Variants in PLD4 observed in about 807,000 individuals in gnomAD.
The protein encoded by PLD4 is 5'-3' exonuclease PLD4.
A neutral mutation model predicts 52.3 loss-of-function variants in PLD4; 54 were observed. The ratio of observed to expected loss-of-function variants is 1.03; its 90% CI spans 0.83 to 1.30. PLD4 has a LOEUF of 1.30. Ranked by LOEUF, PLD4 falls within the 50% of genes most tolerant of loss-of-function variation. The pLI, the probability that PLD4 is intolerant of heterozygous loss-of-function variation, is 0.00. For missense variants in PLD4, 731 were observed against 671.1 expected (o/e 1.09, Z -0.99); for synonymous variants, 264 against 286.5 (o/e 0.92, Z 0.79).
chr14:104,931,753 G>A lies in PLD4; in HGVS notation c.924G>A (p.Ser308=), dbSNP rs373945061. The A allele has an allele frequency of 1.4e-5, 22 of 1,586,178 alleles. No homozygotes were observed. The African/African-American group carries it at 2.0e-4, about 15-fold the overall frequency. ...GGATTTCTCTCCCGTCACAGGCGTC[G>A]CCACCAGCACTCTGTCCCCAGGGCC... The part of the protein sequence containing the change: ...GVPTTAYFSA[S]PPALCPQGRT... Residue 308 remains serine, a synonymous_variant, in exon 8 of 11, where the codon TCG becomes TCA. Coordinates refer to ENST00000392593, the MANE Select transcript of PLD4 (RefSeq NM_138790.5).
intron 1 of PLD4, among the ~76,000 whole-genome samples, chr14:104,925,971 T>C (rs1218367755): frequency 6.6e-6 from 1 of 152,012 alleles, no homozygotes; most frequent in Non-Finnish European, 1.5e-5. Context: ...CCGACTCCTG[T>C]GGTGTTCCTG....
At chr14:104,930,496 A>T in intron 6 of PLD4, 1 of 587,796 alleles carries the variant, frequency 1.7e-6, no homozygotes. Context: ...TGCATTTTCT[A>T]TTGTTTTTGT....
Position 104,933,060 on chromosome 14 carries a change from G to A in PLD4, c.*96G>A, listed in dbSNP as rs1897714383. The A allele has an allele frequency of 7.4e-7, 1 of 1,356,972 alleles. No homozygotes were observed. The highest frequency in any genetic ancestry group is 2.8e-5 in the East Asian group (1 of 36,340). The allele number at this position is 1,356,972 out of a possible 1,614,324, so 84.1% of individuals were successfully genotyped here. ...AGCCGCTTCCTCCCGCAAGCAGCCC[G>A]GGTCCGCACTGCGCCAGGAGCCGCC... On this transcript the variant is annotated 3_prime_UTR_variant, in exon 11 of 11. Coordinates refer to ENST00000392593, the MANE Select transcript of PLD4 (RefSeq NM_138790.5).
chr14:104,930,488 C>T (rs1897605308), intron 6 of PLD4: 1 of 584,120 alleles, frequency 1.7e-6, no homozygotes, highest in Non-Finnish European at 3.0e-6. Context: ...TGGCTTGATG[C>T]ATTTTCTATT....
At chr14:104,929,239 G>A (rs1566888729) in intron 4 of PLD4, 68 bp from the exon 5 acceptor site, 4 of 1,558,322 alleles carry the variant, frequency 2.6e-6, no homozygotes, top group Non-Finnish European at 3.5e-6. Flanking sequence ...GGAGGACATG[G>A]GTCCTAGTGG....
chr14:104,927,721 C>CTT lies in PLD4; in HGVS notation c.140_141dup (p.Ile48LeufsTer191). ...TGTGCTGTGGCTGGGCTCCGTGGCTCTTATCTGCCTCCTGTGGCAAGTGCC... is the reference window on the plus strand; with the variant it reads ...TGTGCTGTGGCTGGGCTCCGTGGCTCTTTTATCTGCCTCCTGTGGCAAGTGCC... On this transcript the variant is annotated frameshift_variant, in exon 3 of 11. Coordinates refer to ENST00000392593, the MANE Select transcript of PLD4 (RefSeq NM_138790.5). LOFTEE classifies it high-confidence loss of function. 6.3e-7 allele frequency: 1 copy of CTT among 1,598,086 alleles called. No homozygotes were observed. The highest frequency in any genetic ancestry group is 1.1e-5 in the South Asian group (1 of 89,186).
chr14:104,925,689 G>A (rs1595375716), intron 1 of PLD4, among the ~76,000 whole-genome samples: 1 of 152,224 alleles, frequency 6.6e-6, no homozygotes, highest in Non-Finnish European at 1.5e-5. Flanking sequence ...AGTTAGTGGG[G>A]GAGAGCAAAG....
chr14:104,935,395 C>T (rs1282149862), downstream of PLD4: 4 of 152,292 alleles, frequency 2.6e-5, no homozygotes, highest in African/African-American at 9.6e-5. Context: ...TGACAGAGGC[C>T]TGCTTCAAGG....
At position 104,932,257 on chromosome 14, in the gene PLD4, A is replaced by G. The variant is rs755811970; in HGVS notation, c.1225-2A>G. 15 of 1,612,650 alleles carry G rather than the reference A, an allele frequency of 9.3e-6. No individual in the cohort carries two copies. The Admixed American group carries it at 2.0e-4, about 21-fold the overall frequency. ...CTGACGCGCTGCCTCTGCTCCCCTA[A>G]GAAAGTCTTCATCGTGCCGGTGGGG... On this transcript the variant is annotated splice_acceptor_variant, in intron 9 of 10. Transcript: ENST00000392593. LOFTEE classifies it high-confidence loss of function. This position sits in a 1 kb window ranked among gnomAD's most constrained non-coding sequence, Gnocchi z 6.5.
chr14:104,925,692 G>C (rs1005705655), intron 1 of PLD4, among the ~76,000 whole-genome samples: 1 of 152,108 alleles, frequency 6.6e-6, no homozygotes, highest in African/African-American at 2.4e-5. Flanking sequence ...TAGTGGGGGA[G>C]AGCAAAGGCC....
chr14:104,933,624 G>C (rs1897733817), downstream of PLD4: 1 of 125,710 alleles, frequency 8.0e-6, no homozygotes, highest in Non-Finnish European at 1.7e-5. Context: ...GGAGGGGAGC[G>C]GGGCTGAGGG....
intron 5 of PLD4, 76 bp downstream of exon 5, chr14:104,929,503 G>A (rs917936177): frequency 6.8e-7 from 1 of 1,470,662 alleles, no homozygotes; most frequent in Non-Finnish European, 9.0e-7. Context: ...CACAGGACAA[G>A]GAAAAGAAGT....
Position 104,929,967 on chromosome 14 carries a change from C to T in PLD4, c.590-11C>T, listed in dbSNP as rs544306019. ...GACCTAGTTCATCCCATTGCCTGAACTCTCCACCAGGTGCCCATGTACGAC... is the reference window on the plus strand; with the variant it reads ...GACCTAGTTCATCCCATTGCCTGAATTCTCCACCAGGTGCCCATGTACGAC... On this transcript the variant is annotated splice_polypyrimidine_tract_variant and intron_variant, in intron 5 of 10. Transcript: ENST00000392593. 4.3e-6 allele frequency: 7 copies of T among 1,613,178 alleles called. No homozygotes were observed. Among genetic ancestry groups the T allele is most frequent in the East Asian group, 4.5e-5 (2 of 44,890 alleles).
Position 104,927,831 on chromosome 14 carries a change from G to A in PLD4, c.249G>A (p.Leu83=). 6.3e-7 allele frequency: 1 copy of A among 1,588,024 alleles called. No homozygotes were observed. Among genetic ancestry groups the A allele is most frequent in the Non-Finnish European group, 8.5e-7 (1 of 1,171,102 alleles). ...EHGSSPAWEP[L]EAEARQQRDS... is the part of the protein sequence containing the mutation. ...GCTCCAGCCCAGCTTGGGAGCCCCT[G>A]GAAGCAGAGGCCAGGCAGCAGAGGG... The change falls in exon 3 of 11, where the codon CTG becomes CTA. Residue 83 remains leucine, a synonymous_variant. Coordinates refer to ENST00000392593, the MANE Select transcript of PLD4 (RefSeq NM_138790.5).
At chr14:104,928,320 T>A (rs1018130344) in intron 3 of PLD4, among the ~76,000 whole-genome samples, 1 of 151,992 alleles carries the variant, frequency 6.6e-6, no homozygotes, top group Non-Finnish European at 1.5e-5. Context: ...ACCTTTCCCT[T>A]CCAGGCCAGC....
rs1414506786 is a variant in PLD4, at chr14:104,932,267, C to A, written c.1233C>A (p.Phe411Leu). The change falls in exon 10 of 11, where the codon TTC (phenylalanine) becomes TTA (leucine). Residue 411 changes from phenylalanine (F) to leucine (L), a missense_variant. By Grantham distance (22) the Phe-to-Leu change is conservative (BLOSUM62 0). Coordinates refer to ENST00000392593, the MANE Select transcript of PLD4 (RefSeq NM_138790.5). The surrounding 1 kb of genome is among the most constrained non-coding windows in gnomAD (Gnocchi z 6.5). ...GCCTCTGCTCCCCTAAGAAAGTCTTCATCGTGCCGGTGGGGAACCATTCCA... is the reference window on the plus strand; with the variant it reads ...GCCTCTGCTCCCCTAAGAAAGTCTTAATCGTGCCGGTGGGGAACCATTCCA... ...AANVSVDVKV[F>L]IVPVGNHSNI... 22 of 1,612,572 alleles carry A rather than the reference C, an allele frequency of 1.4e-5. No individual in the cohort carries two copies. Among genetic ancestry groups the A allele is most frequent in the Non-Finnish European group, 1.9e-5 (22 of 1,179,838 alleles).
At chr14:104,930,173 T>G (rs1471773717) in intron 6 of PLD4, 68 bp downstream of exon 6, 2 of 1,590,022 alleles carry the variant, frequency 1.3e-6, no homozygotes, top group Non-Finnish European at 1.7e-6. Flanking sequence ...CCTGGGGACT[T>G]GGCCTGACAT....
intron 3 of PLD4, 135 bp downstream of exon 3, chr14:104,928,001 A>C (rs1208595957): frequency 8.7e-6 from 9 of 1,036,692 alleles, no homozygotes; most frequent in Non-Finnish European, 1.1e-5. Flanking sequence ...GTCACCAGGG[A>C]GGGCCACGAC....
In PLD4 at chr14:104,930,110, G is replaced by C; in HGVS notation, c.717+5G>C. On this transcript the variant is annotated splice_donor_5th_base_variant and intron_variant, in intron 6 of 10. Transcript: ENST00000392593. ...GACTGGCGGTCTCTGACGCAGGTGA[G>C]TGCCAGGGCCCTAACACAGGAGGCC... 6.2e-7 allele frequency: 1 copy of C among 1,613,116 alleles called. No individual in the cohort carries two copies. Among genetic ancestry groups the C allele is most frequent in the Non-Finnish European group, 8.5e-7 (1 of 1,179,924 alleles).
Sources: allele counts gnomAD v4.1 joint callset (sites outside exome capture counted in the v4.1 genomes callset), GRCh38; gene constraint gnomAD v4.1.1; non-coding constraint Gnocchi (gnomAD v3.1); transcripts MANE v1.5; gene names NCBI Gene and HGNC (gene_info 2026-07-23, HGNC 2026-07-21).